KLHL34: variants seen among roughly 807,000 people sequenced by gnomAD.
The protein encoded by KLHL34 is kelch-like protein 34.
A neutral mutation model predicts 23.8 loss-of-function variants in KLHL34; 24 were observed. The ratio of observed to expected loss-of-function variants is 1.01; its 90% CI spans 0.73 to 1.42. The LOEUF is 1.42. Ranked by LOEUF, KLHL34 falls within the 40% of genes most tolerant of loss-of-function variation. The pLI, the probability that KLHL34 is intolerant of heterozygous loss-of-function variation, is 0.00. For synonymous variants in KLHL34, 303 were observed against 287.9 expected, an observed-to-expected ratio of 1.05 and a Z score of -0.53; for missense variants, 652 against 595.1, an observed-to-expected ratio of 1.10 and a Z score of -0.99.
Position 21,656,112 on chromosome X carries a change from G to T in KLHL34, c.1677C>A (p.Tyr559Ter), listed in dbSNP as rs2092731795. Residue 559 changes from tyrosine to a stop codon, truncating the protein, a stop_gained, in exon 1 of 1, where the codon TAC (tyrosine) becomes TAA (stop). Transcript: ENST00000379499. LOFTEE classifies it high-confidence loss of function. ...CGGCCAGCCCATAGCAGAAGCGGTC[G>T]TAGGGCAGCGGCCGCAACCGAGTCC... ...DQWTRLRPLPYDRFCYGLAVV... is the reference protein window; with the variant it reads ...DQWTRLRPLP The T allele has an allele frequency of 1.7e-6, 2 of 1,178,690 alleles. No individual in the cohort carries two copies. The highest frequency in any genetic ancestry group is 2.3e-6 in the Non-Finnish European group (2 of 877,670).
rs750266650 is a variant in KLHL34 at position 21,657,562 on chromosome X, G to A, written c.227C>T (p.Ser76Leu). The change falls in exon 1 of 1, where the codon TCG becomes TTG. Residue 76 changes from serine (S) to leucine (L), a missense_variant. Physicochemically the swap from Ser to Leu is moderately radical, Grantham distance 145. Coordinates refer to ENST00000379499, the MANE Select transcript of KLHL34 (RefSeq NM_153270.3). ...CAGCAGGCGCTGCAGGCCGGCTGCC[G>A]ATGGCACGTGCAGGTGGATCACGCG... ...RARVIHLHVP[S>L]AAGLQRLLDF... 1.5e-5 allele frequency: 18 copies of A among 1,209,904 alleles called. No homozygotes were observed. In the African/African-American group the frequency reaches 2.6e-4, roughly 18 times the overall value.
Position 21,656,318 on chromosome X carries a change from T to A in KLHL34, c.1471A>T (p.Ser491Cys). ...GKAGRGEGGASSLRDLYVLGP... is the reference protein window; with the variant it reads ...GKAGRGEGGACSLRDLYVLGP... ...AGGACGTATAAGTCCCGGAGGCTGC[T>A]CGCTCCGCCCTCGCCTCTCCCTGCC... is the stretch of plus-strand genomic sequence containing the variant. The change falls in exon 1 of 1, where the codon AGC becomes TGC. Residue 491 changes from serine (S) to cysteine (C), a missense_variant. Transcript: ENST00000379499. 1 of 1,199,423 alleles carries A rather than the reference T, an allele frequency of 8.3e-7. No individual in the cohort carries two copies. Among genetic ancestry groups the A allele is most frequent in the Non-Finnish European group, 1.1e-6 (1 of 889,625 alleles).
chrX:21,655,730 G>A lies in KLHL34; in HGVS notation c.*124C>T. ...TCTTTGCTCAAGGCCTTGTTTGCCT[G>A]TTAACCTTCAGAAGCCACTCTGCTC... On this transcript the variant is annotated 3_prime_UTR_variant, in exon 1 of 1. Coordinates refer to ENST00000379499, the MANE Select transcript of KLHL34 (RefSeq NM_153270.3). The A allele has an allele frequency of 9.6e-7, 1 of 1,045,296 alleles. No homozygotes were observed. The highest frequency in any genetic ancestry group is 1.2e-6 in the Non-Finnish European group (1 of 808,851). 86.1% of individuals were successfully genotyped at this position (1,045,296 alleles called of 1,213,427 possible).
chrX:21,656,907 C>A lies in KLHL34; in HGVS notation c.882G>T (p.Val294=). 1 of 1,168,698 alleles carries A rather than the reference C, an allele frequency of 8.6e-7. No individual in the cohort carries two copies. Among genetic ancestry groups the A allele is most frequent in the Non-Finnish European group, 1.1e-6 (1 of 873,361 alleles). The change falls in exon 1 of 1, where the codon GTG becomes GTT. Residue 294 remains valine, a synonymous_variant. Coordinates refer to ENST00000379499, the MANE Select transcript of KLHL34 (RefSeq NM_153270.3). ...TCTGCGGGGCCGCGACCTCCTCAAT[C>A]ACCACCTCCCGTGCCCTGCGCCCCC... is the stretch of plus-strand genomic sequence containing the variant. ...LVGGRRAREV[V]IEEVAAPQRA... is the part of the protein sequence containing the mutation.
In KLHL34 at chrX:21,657,329, T is replaced by C; in HGVS notation, c.460A>G (p.Ile154Val). Residue 154 changes from isoleucine (I) to valine (V), a missense_variant, in exon 1 of 1, where the codon ATC becomes GTC. By Grantham distance (29) the Ile-to-Val change is conservative. Coordinates refer to ENST00000379499, the MANE Select transcript of KLHL34 (RefSeq NM_153270.3). ...AHTLDAAERC[I>V]VSHLQELLAR... ...AGCAGCTCCTGCAAGTGGCTCACGA[T>C]GCAGCGCTCGGCCGCGTCCAGCGTG... The C allele has an allele frequency of 8.6e-7, 1 of 1,159,195 alleles. No individual in the cohort carries two copies. The highest frequency in any genetic ancestry group is 1.1e-6 in the Non-Finnish European group (1 of 870,687).
rs756677399 is a variant in KLHL34 at position 21,657,201 on chromosome X, T to C, written c.588A>G (p.Leu196=). 1.7e-5 allele frequency: 20 copies of C among 1,198,778 alleles called. No homozygotes were observed. The highest frequency in any genetic ancestry group is 2.4e-4 in the Middle Eastern group (1 of 4,247). ...GCAACCAAGCTAACGCCAGGCCCAG[T>C]AGCCGGGCCTCGGGCACCCGCGCCA... ...PDVARVPEAR[L]LGLALAWLRQ... is the part of the protein sequence containing the mutation. Residue 196 remains leucine, a synonymous_variant, in exon 1 of 1, where the codon CTA becomes CTG. Transcript: ENST00000379499.
At position 21,656,579 on chromosome X, in the gene KLHL34, C is replaced by A. The variant is rs1291224144; in HGVS notation, c.1210G>T (p.Ala404Ser). The A allele has an allele frequency of 1.7e-6, 2 of 1,203,199 alleles. No individual in the cohort carries two copies. The highest frequency in any genetic ancestry group is 1.8e-5 in the South Asian group (1 of 55,517). Residue 404 changes from alanine (A) to serine (S), a missense_variant, in exon 1 of 1, where the codon GCT (alanine) becomes TCT (serine). Coordinates refer to ENST00000379499, the MANE Select transcript of KLHL34 (RefSeq NM_153270.3). ...CGCATGGCGGGCACTTCCGTCCAAG[C>A]GTGGAAGCGCGGGTCGTAACGGTGC... ...QVHRYDPRFH[A>S]WTEVPAMREA...
chrX:21,656,213 C>G lies in KLHL34; in HGVS notation c.1576G>C (p.Gly526Arg), dbSNP rs1158552222. 2.5e-6 allele frequency: 3 copies of G among 1,185,320 alleles called. No individual in the cohort carries two copies. Among genetic ancestry groups the G allele is most frequent in the Non-Finnish European group, 3.4e-6 (3 of 882,076 alleles). Residue 526 changes from glycine to arginine, a missense_variant, in exon 1 of 1, where the codon GGC becomes CGC. Gly to Arg is a moderately radical substitution (Grantham distance 125). Coordinates refer to ENST00000379499, the MANE Select transcript of KLHL34 (RefSeq NM_153270.3). ...RFGHHMAVLR[G>R]AVFAFLGRYE... ...CGCCCCAGAAAAGCAAACACAGCGC[C>G]GCGCAGCACTGCCATGTGGTGCCCG...
At position 21,657,208 on chromosome X, in the gene KLHL34, G is replaced by A; in HGVS notation, c.581C>T (p.Ala194Val). The A allele has an allele frequency of 8.3e-7, 1 of 1,199,192 alleles. No individual in the cohort carries two copies. Among genetic ancestry groups the A allele is most frequent in the South Asian group, 1.8e-5 (1 of 55,306 alleles). The stretch of plus-strand genomic sequence containing the variant: ...AGCTAACGCCAGGCCCAGTAGCCGG[G>A]CCTCGGGCACCCGCGCCACGTCGGG... ...GAPDVARVPE[A>V]RLLGLALAWL... Residue 194 changes from alanine (A) to valine (V), a missense_variant, in exon 1 of 1, where the codon GCC becomes GTC. Coordinates refer to ENST00000379499, the MANE Select transcript of KLHL34 (RefSeq NM_153270.3).
At position 21,656,889 on chromosome X, in the gene KLHL34, G is replaced by A. The variant is rs1190079669; in HGVS notation, c.900C>T (p.Ala300=). 8.6e-7 allele frequency: 1 copy of A among 1,169,063 alleles called. No homozygotes were observed. Among genetic ancestry groups the A allele is most frequent in the Admixed American group, 2.4e-5 (1 of 41,784 alleles). The part of the protein sequence containing the change: ...AREVVIEEVA[A]PQRAARGQVA... The stretch of plus-strand genomic sequence containing the variant: ...CCTGGCCCCTAGCTGCCCTCTGCGG[G>A]GCCGCGACCTCCTCAATCACCACCT... The change falls in exon 1 of 1, where the codon GCC becomes GCT. Residue 300 remains alanine (A), a synonymous_variant. Coordinates refer to ENST00000379499, the MANE Select transcript of KLHL34 (RefSeq NM_153270.3).
At position 21,657,257 on chromosome X, in the gene KLHL34, A is replaced by G; in HGVS notation, c.532T>C (p.Ser178Pro). The G allele has an allele frequency of 8.5e-7, 1 of 1,171,219 alleles. No homozygotes were observed. The highest frequency in any genetic ancestry group is 1.1e-6 in the Non-Finnish European group (1 of 877,343). The change falls in exon 1 of 1, where the codon TCG becomes CCG. Residue 178 changes from serine to proline, a missense_variant. Transcript: ENST00000379499. Reference sequence around the variant, plus strand: ...GGGGCACCCAGTACAGCCCTCAGCGATGTAGGGTTGAGCTCCAGGAGTCCC... The same window carrying G: ...GGGGCACCCAGTACAGCCCTCAGCGGTGTAGGGTTGAGCTCCAGGAGTCCC... ...PAGLLELNPT[S>P]LRAVLGAPDV...
rs1486107469 is a variant in KLHL34, at chrX:21,657,014, G to A, written c.775C>T (p.His259Tyr). 7.7e-6 allele frequency: 9 copies of A among 1,163,537 alleles called. No homozygotes were observed. The highest frequency in any genetic ancestry group is 1.0e-5 in the Non-Finnish European group (9 of 871,171). Reference protein sequence around the residue: ...KGLIIQALNYHTTPSRQPLMQ... With the variant: ...KGLIIQALNYYTTPSRQPLMQ... ...AGCGGCTGGCGGGAGGGCGTCGTGT[G>A]GTAGTTGAGGGCCTGGATGATGAGG... Residue 259 changes from histidine (H) to tyrosine (Y), a missense_variant, in exon 1 of 1, where the codon CAC becomes TAC. By Grantham distance (83) the His-to-Tyr change is moderately conservative. Coordinates refer to ENST00000379499, the MANE Select transcript of KLHL34 (RefSeq NM_153270.3).
At position 21,656,148 on chromosome X, in the gene KLHL34, G is replaced by A. The variant is rs1433306247; in HGVS notation, c.1641C>T (p.Gly547=). ...PFSEIERYDP[G]ADQWTRLRPL... is the part of the protein sequence containing the mutation. ...GCCGCAACCGAGTCCACTGGTCGGC[G>A]CCGGGGTCGTAGCGCTCGATCTCAG... is the stretch of plus-strand genomic sequence containing the variant. The change falls in exon 1 of 1, where the codon GGC becomes GGT. Residue 547 remains glycine (G), a synonymous_variant. Coordinates refer to ENST00000379499, the MANE Select transcript of KLHL34 (RefSeq NM_153270.3). The A allele has an allele frequency of 5.1e-6, 6 of 1,176,642 alleles. No homozygotes were observed. The East Asian group carries it at 1.9e-4, about 36-fold the overall frequency.
rs779176200 is a variant in KLHL34 at position 21,656,755 on chromosome X, C to T, written c.1034G>A (p.Arg345His). The change falls in exon 1 of 1, where the codon CGC (arginine) becomes CAC (histidine). Residue 345 changes from arginine (R) to histidine (H), a missense_variant. Arg to His is a conservative substitution (Grantham distance 29). Transcript: ENST00000379499. ...GGGTAGCTGCGTAAGGCTGCGCCAG[C>T]GGTGATTGTACACATCGAAGGCCAC... ...NVVAFDVYNH[R>H]WRSLTQLPTP... 2 of 1,198,895 alleles carry T rather than the reference C, an allele frequency of 1.7e-6. No homozygotes were observed. Among genetic ancestry groups the T allele is most frequent in the Non-Finnish European group, 2.2e-6 (2 of 889,003 alleles).
Position 21,657,635 on chromosome X carries a change from CACTGG to C in KLHL34, c.149_153del (p.Ser50Ter). 1 of 1,208,634 alleles carries C rather than the reference CACTGG, an allele frequency of 8.3e-7. No individual in the cohort carries two copies. ...CTCTTGAACAGGGCCCTGAAGTAGTCACTGGAGCACGCCAGGAGCGACCTGTGCGC... is the reference window on the plus strand; with the variant it reads ...CTCTTGAACAGGGCCCTGAAGTAGTCAGCACGCCAGGAGCGACCTGTGCGC... On this transcript the variant is annotated frameshift_variant, in exon 1 of 1. Coordinates refer to ENST00000379499, the MANE Select transcript of KLHL34 (RefSeq NM_153270.3). LOFTEE classifies it high-confidence loss of function.
In KLHL34 at chrX:21,658,174, T is replaced by C; in HGVS notation, c.-386A>G. The C allele has an allele frequency of 6.8e-6, 1 of 146,507 alleles. No homozygotes were observed. Among genetic ancestry groups the C allele is most frequent in the Non-Finnish European group, 1.5e-5 (1 of 66,754 alleles). The allele number at this position is 146,507 out of a possible 1,213,427, so 12.1% of individuals were successfully genotyped here. A position where few individuals can be genotyped will look rare whatever the true frequency, so the allele number is the denominator to read the frequency against. ...CAGGGGCGGCGGTGGCTGCACACCA[T>C]CACCTGGAAGAACCGAGTTGCCGGT... On this transcript the variant is annotated 5_prime_UTR_variant, in exon 1 of 1. It removes an upstream start codon present in the reference 5' UTR. Transcript: ENST00000379499.
At position 21,656,121 on chromosome X, in the gene KLHL34, C is replaced by T. The variant is rs1300680301; in HGVS notation, c.1668G>A (p.Pro556=). The part of the protein sequence containing the change: ...PGADQWTRLR[P]LPYDRFCYGL... ...CATAGCAGAAGCGGTCGTAGGGCAG[C>T]GGCCGCAACCGAGTCCACTGGTCGG... Residue 556 remains proline (P), a synonymous_variant, in exon 1 of 1, where the codon CCG becomes CCA. Coordinates refer to ENST00000379499, the MANE Select transcript of KLHL34 (RefSeq NM_153270.3). 8.5e-6 allele frequency: 10 copies of T among 1,175,652 alleles called. No individual in the cohort carries two copies. The highest frequency in any genetic ancestry group is 1.1e-5 in the Non-Finnish European group (10 of 876,155).
At position 21,656,111 on chromosome X, in the gene KLHL34, C is replaced by A. The variant is rs762961753; in HGVS notation, c.1678G>T (p.Asp560Tyr). 39 of 1,175,612 alleles carry A rather than the reference C, an allele frequency of 3.3e-5. No homozygotes were observed. The highest frequency in any genetic ancestry group is 4.0e-5 in the Non-Finnish European group (35 of 876,680). The change falls in exon 1 of 1, where the codon GAC becomes TAC. Residue 560 changes from aspartate (D) to tyrosine (Y), a missense_variant. By Grantham distance (160) the Asp-to-Tyr change is radical. Coordinates refer to ENST00000379499, the MANE Select transcript of KLHL34 (RefSeq NM_153270.3). The part of the protein sequence containing the change: ...QWTRLRPLPY[D>Y]RFCYGLAVVE... ...ACGGCCAGCCCATAGCAGAAGCGGTCGTAGGGCAGCGGCCGCAACCGAGTC... is the reference window on the plus strand; with the variant it reads ...ACGGCCAGCCCATAGCAGAAGCGGTAGTAGGGCAGCGGCCGCAACCGAGTC...
rs1423437735 is a variant in KLHL34, at chrX:21,656,894, C to T, written c.895G>A (p.Ala299Thr). 8.5e-7 allele frequency: 1 copy of T among 1,171,236 alleles called. No homozygotes were observed. ...CCCCTAGCTGCCCTCTGCGGGGCCGCGACCTCCTCAATCACCACCTCCCGT... is the reference window on the plus strand; with the variant it reads ...CCCCTAGCTGCCCTCTGCGGGGCCGTGACCTCCTCAATCACCACCTCCCGT... ...RAREVVIEEVAAPQRAARGQV... is the reference protein window; with the variant it reads ...RAREVVIEEVTAPQRAARGQV... Residue 299 changes from alanine to threonine, a missense_variant, in exon 1 of 1, where the codon GCG becomes ACG. By Grantham distance (58) the Ala-to-Thr change is moderately conservative. Coordinates refer to ENST00000379499, the MANE Select transcript of KLHL34 (RefSeq NM_153270.3).
Sources: allele counts gnomAD v4.1 joint callset, GRCh38; gene constraint gnomAD v4.1.1; transcripts MANE v1.5; gene names NCBI Gene and HGNC (gene_info 2026-07-23, HGNC 2026-07-21).